TMEM268: variants seen among roughly 807,000 people sequenced by gnomAD.
The protein encoded by TMEM268 is transmembrane protein 268.
TMEM268 carries 24 observed loss-of-function variants against 39.1 expected under a neutral mutation model. That is an observed-to-expected ratio of 0.61 (90% confidence interval 0.44 to 0.86). TMEM268 has a LOEUF of 0.86. Ranked by LOEUF, TMEM268 falls within the 40% of genes least tolerant of loss-of-function variation. The probability of loss-of-function intolerance (pLI) is 0.00; values close to 1 mark genes in which losing one functional copy is unlikely to be tolerated. For synonymous variants in TMEM268, 176 were observed against 173.5 expected (o/e 1.01, Z -0.12); for missense variants, 409 against 428.6 (o/e 0.95, Z 0.40).
At chr9:114,637,103 A>G in intron 7 of TMEM268, 33 bp downstream of exon 7, 2 of 1,404,068 alleles carry the variant, frequency 1.4e-6, no homozygotes, top group South Asian at 2.3e-5. Flanking sequence ...ACAAAACAAA[A>G]ACCAGGAGGC....
chr9:114,610,835 C>T (rs1311483496), upstream of TMEM268, among the ~76,000 whole-genome samples: 2 of 150,794 alleles, frequency 1.3e-5, no homozygotes, highest in Non-Finnish European at 1.5e-5. Flanking sequence ...TTACCAAAGA[C>T]GATAATAAGA....
At chr9:114,624,564 C>T (rs1250038121) in intron 3 of TMEM268, 105 bp downstream of exon 3, 54 of 1,476,402 alleles carry the variant, frequency 3.7e-5, no homozygotes, top group Non-Finnish European at 3.9e-5. Flanking sequence ...CAGTCTGTAC[C>T]AGCTGTCGTA....
In TMEM268 at chr9:114,617,367, C is replaced by T. The variant is rs546383166; in HGVS notation, c.106+66C>T. On this transcript the variant is annotated intron_variant, in intron 2 of 8. Coordinates refer to ENST00000288502, the MANE Select transcript of TMEM268 (RefSeq NM_153045.4). ...CATGCTGAACTGGACTCACAGGGCA[C>T]AGAAGTTCCTTTAGATAAGGTCAGG... 4.7e-6 allele frequency: 6 copies of T among 1,267,560 alleles called. No homozygotes were observed. The African/African-American group carries it at 7.4e-5, about 16-fold the overall frequency. 78.5% of individuals were successfully genotyped at this position (1,267,560 alleles called of 1,614,324 possible). A position where few individuals can be genotyped will look rare whatever the true frequency, so the allele number is the denominator to read the frequency against.
intron 6 of TMEM268, 26 bp downstream of exon 6, chr9:114,633,904 C>T: frequency 5.2e-6 from 7 of 1,351,586 alleles, no homozygotes; most frequent in Non-Finnish European, 7.2e-6. Flanking sequence ...GTTACCTCTT[C>T]CTGATGGCCC....
intron 2 of TMEM268, among the ~76,000 whole-genome samples, chr9:114,619,360 GGTGTAAAAACAA>G (rs1845857905): frequency 6.6e-6 from 1 of 151,980 alleles, no homozygotes. Context: ...ACTTAGCCTA[GGTGTAAAAACAA>G]GTATTTTTAA....
chr9:114,627,243 A>T (rs1846202579), intron 4 of TMEM268, among the ~76,000 whole-genome samples: 1 of 152,168 alleles, frequency 6.6e-6, no homozygotes, highest in Non-Finnish European at 1.5e-5. Context: ...CTGTGGGCAG[A>T]GCTTGGGATT....
At chr9:114,616,250 C>T (rs552974559) in intron 1 of TMEM268, among the ~76,000 whole-genome samples, 20 of 150,054 alleles carry the variant, frequency 1.3e-4, no homozygotes, top group South Asian at 2.1e-4. Context: ...CTCCTGACCT[C>T]GTGATGTGCC....
intron 8 of TMEM268, among the ~76,000 whole-genome samples, chr9:114,642,858 G>A (rs1357893145): frequency 3.3e-5 from 5 of 151,856 alleles, no homozygotes; most frequent in South Asian, 2.1e-4. Context: ...TTTTTTGTGC[G>A]TATTATTATT....
chr9:114,621,695 G>A (rs1304281105), intron 2 of TMEM268, among the ~76,000 whole-genome samples: 1 of 152,156 alleles, frequency 6.6e-6, no homozygotes, highest in Non-Finnish European at 1.5e-5. Flanking sequence ...TGCATGGGCT[G>A]TAACTGGGTG....
chr9:114,631,764 G>T (rs1442387890), intron 5 of TMEM268, among the ~76,000 whole-genome samples: 4 of 152,064 alleles, frequency 2.6e-5, no homozygotes, highest in Admixed American at 2.0e-4. Flanking sequence ...TCATAGTAGA[G>T]GCATTCCTGG....
intron 5 of TMEM268, among the ~76,000 whole-genome samples, chr9:114,632,558 G>A (rs903607974): frequency 3.3e-5 from 5 of 152,120 alleles, no homozygotes; most frequent in East Asian, 1.9e-4. Context: ...AGCTGAATGC[G>A]TGGCGTCCAT....
chr9:114,617,478 GC>G (rs1213335497), intron 2 of TMEM268, among the ~76,000 whole-genome samples, 177 bp downstream of exon 2: 1 of 152,220 alleles, frequency 6.6e-6, no homozygotes, highest in Non-Finnish European at 1.5e-5. Context: ...TCTCTGCTGA[GC>G]CCCTGCTGTA....
intron 3 of TMEM268, 91 bp from the exon 4 acceptor site, chr9:114,626,808 T>A (rs923137744): frequency 5.5e-6 from 5 of 914,330 alleles, no homozygotes; most frequent in African/African-American, 1.6e-5. Flanking sequence ...CAGCCCAGAA[T>A]GTGCCTAATC....
intron 1 of TMEM268, among the ~76,000 whole-genome samples, chr9:114,612,895 T>C (rs1845561082): frequency 6.6e-6 from 1 of 152,224 alleles, no homozygotes; most frequent in Non-Finnish European, 1.5e-5. Context: ...AGTTTCGTGC[T>C]CAAGATAGCA....
In TMEM268 at chr9:114,643,725, A is replaced by G. The variant is rs1178616192; in HGVS notation, c.*412A>G. ...TGATGTTTCCATCTCCAACCCCTTCATGCCAGATGGGGAAACTGAGGCTCA... is the reference window on the plus strand; with the variant it reads ...TGATGTTTCCATCTCCAACCCCTTCGTGCCAGATGGGGAAACTGAGGCTCA... On this transcript the variant is annotated 3_prime_UTR_variant, in exon 9 of 9. Transcript: ENST00000288502. 5 of 159,418 alleles carry G rather than the reference A, an allele frequency of 3.1e-5. No homozygotes were observed. The highest frequency in any genetic ancestry group is 6.9e-5 in the Non-Finnish European group (5 of 72,768). 9.9% of individuals were successfully genotyped at this position (159,418 alleles called of 1,614,324 possible). A position where few individuals can be genotyped will look rare whatever the true frequency, so the allele number is the denominator to read the frequency against.
At chr9:114,636,865 A>G (rs76439532) in intron 6 of TMEM268, 125 bp from the exon 7 acceptor site, 45,747 of 645,778 alleles carry the variant, frequency 0.071, 3,129 homozygotes, top group Admixed American at 0.2. Context: ...CAAATGAGAC[A>G]TTGTCATGGT....
At chr9:114,627,974 A>G in intron 4 of TMEM268, 127 bp from the exon 5 acceptor site, 1 of 962,852 alleles carries the variant, frequency 1.0e-6, no homozygotes, top group South Asian at 1.5e-5. Context: ...TCAATCTCTT[A>G]CTGGTGCTGT....
At chr9:114,628,373 G>A (rs1459458459) in intron 5 of TMEM268, 123 bp downstream of exon 5, 16 of 1,030,966 alleles carry the variant, frequency 1.6e-5, no homozygotes, top group South Asian at 7.4e-5. Flanking sequence ...ACACTAGCCC[G>A]TAAGCCCAGT....
chr9:114,642,759 G>A (rs1057337769), intron 8 of TMEM268, among the ~76,000 whole-genome samples: 7 of 152,138 alleles, frequency 4.6e-5, no homozygotes, highest in Admixed American at 4.6e-4. Flanking sequence ...GGGATTACAG[G>A]TTTGAACAAC....
Sources: allele counts gnomAD v4.1 joint callset (sites outside exome capture counted in the v4.1 genomes callset), GRCh38; gene constraint gnomAD v4.1.1; transcripts MANE v1.5; gene names NCBI Gene and HGNC (gene_info 2026-07-23, HGNC 2026-07-21).